GLIS3: variants seen among roughly 807,000 people sequenced by gnomAD.
The protein encoded by GLIS3 is zinc finger protein GLIS3.
A neutral mutation model predicts 78.6 loss-of-function variants in GLIS3; 53 were observed. The ratio of observed to expected loss-of-function variants is 0.67; its 90% CI spans 0.54 to 0.85. GLIS3 has a LOEUF of 0.85. Among genes scored for constraint, GLIS3 ranks in the 40% least tolerant of loss-of-function variants. GLIS3 has a pLI of 0.00. For missense variants in GLIS3, 1,703 were observed against 1,231.1 expected (o/e 1.38, Z -5.74); for synonymous variants, 684 against 509.9 (o/e 1.34, Z -4.60).
the GLIS3 span, among the ~76,000 whole-genome samples, chr9:4,431,615 C>A: frequency 6.6e-6 from 1 of 152,142 alleles, no homozygotes; most frequent in Non-Finnish European, 1.5e-5. Context: ...GAGACCAAGG[C>A]AGGTGGATCA....
At chr9:3,953,745 A>G (rs490695) in intron 4 of GLIS3, among the ~76,000 whole-genome samples, 2,085 of 123,700 alleles carry the variant, frequency 0.017, 60 homozygotes, top group African/African-American at 0.059. Context: ...AATATTGCCA[A>G]TGATAATTAG....
chr9:3,891,188 G>C (rs1277638720), intron 7 of GLIS3, among the ~76,000 whole-genome samples: 1 of 151,938 alleles, frequency 6.6e-6, no homozygotes, highest in Non-Finnish European at 1.5e-5. Context: ...TATTTTTATA[G>C]TATTTAGATA....
At chr9:4,456,150 G>A in the GLIS3 span, among the ~76,000 whole-genome samples, 2 of 152,058 alleles carry the variant, frequency 1.3e-5, no homozygotes, top group African/African-American at 4.8e-5. Flanking sequence ...GTAGTCTATT[G>A]TGCATGCGAT....
intron 4 of GLIS3, among the ~76,000 whole-genome samples, chr9:4,076,712 AT>A (rs1450937493): frequency 5.3e-5 from 8 of 152,206 alleles, no homozygotes; most frequent in South Asian, 4.1e-4. Flanking sequence ...ATGCCACTTC[AT>A]AGCCTGTCTT....
chr9:3,917,843 T>TCC (rs1158797011), intron 6 of GLIS3, among the ~76,000 whole-genome samples: 103 of 152,278 alleles, frequency 6.8e-4, no homozygotes, highest in Non-Finnish European at 2.5e-4. Flanking sequence ...CATTGACATA[T>TCC]AATGGGAGTG....
At chr9:4,343,825 A>G (rs2130589286) in intron 2 of GLIS3, among the ~76,000 whole-genome samples, 1 of 152,310 alleles carries the variant, frequency 6.6e-6, no homozygotes, top group East Asian at 1.9e-4. Flanking sequence ...CAGAAAACCA[A>G]ATACCACATG....
chr9:4,246,940 G>A (rs1432493521), intron 2 of GLIS3, among the ~76,000 whole-genome samples: 1 of 152,176 alleles, frequency 6.6e-6, no homozygotes, highest in African/African-American at 2.4e-5. Context: ...CAATAAAGAA[G>A]ATCAAGCCAG....
rs1435443802 is a variant in GLIS3 at position 3,915,165 on chromosome 9, G to A, written c.1984-16330C>T. On this transcript the variant is annotated intron_variant, in intron 6 of 10. Coordinates refer to ENST00000381971, the MANE Select transcript of GLIS3 (RefSeq NM_001042413.2). Reference sequence around the variant, plus strand: ...CTCTCCTAGAGCCTTCCTATAGCCTGTATAGACTCTGCCAAAGTCATCTTC... The same window carrying A: ...CTCTCCTAGAGCCTTCCTATAGCCTATATAGACTCTGCCAAAGTCATCTTC... Among the ~76,000 whole-genome samples, 3 of 152,144 alleles carry A rather than the reference G, an allele frequency of 2.0e-5. No homozygotes were observed. The East Asian group carries it at 5.8e-4, about 29-fold the overall frequency.
At chr9:3,996,599 A>C (rs1268606672) in intron 4 of GLIS3, among the ~76,000 whole-genome samples, 1 of 152,224 alleles carries the variant, frequency 6.6e-6, no homozygotes, top group Non-Finnish European at 1.5e-5. Flanking sequence ...TTATGGTAGC[A>C]AATAAAAAAT....
At chr9:4,248,428 T>C (rs1367094450) in intron 2 of GLIS3, among the ~76,000 whole-genome samples, 4 of 152,344 alleles carry the variant, frequency 2.6e-5, no homozygotes, top group Non-Finnish European at 4.4e-5. Flanking sequence ...TCAATTCTTT[T>C]TTATGGCTGC....
chr9:4,342,524 C>T (rs1476892373), intron 2 of GLIS3, among the ~76,000 whole-genome samples: 1 of 152,144 alleles, frequency 6.6e-6, no homozygotes, highest in African/African-American at 2.4e-5. Flanking sequence ...GTAACGTGAT[C>T]TCTCCAGTGC....
intron 4 of GLIS3, among the ~76,000 whole-genome samples, chr9:4,021,977 G>C (rs1419984191): frequency 6.6e-6 from 1 of 152,122 alleles, no homozygotes; most frequent in African/African-American, 2.4e-5. Flanking sequence ...ATAGCGGCTC[G>C]GTTAGTGTGT....
chr9:4,400,508 T>G, the GLIS3 span, among the ~76,000 whole-genome samples: 6 of 152,366 alleles, frequency 3.9e-5, no homozygotes, highest in Admixed American at 1.3e-4. Flanking sequence ...CCTCTGATTA[T>G]AGATTAGCCA....
At chr9:4,123,219 G>A (rs1278371643) in intron 3 of GLIS3, among the ~76,000 whole-genome samples, 1 of 152,056 alleles carries the variant, frequency 6.6e-6, no homozygotes, top group East Asian at 1.9e-4. Flanking sequence ...ACATTTTACA[G>A]ATCAAACTGG....
chr9:4,253,364 G>A (rs538733942), intron 2 of GLIS3, among the ~76,000 whole-genome samples: 2 of 152,210 alleles, frequency 1.3e-5, no homozygotes, highest in South Asian at 2.1e-4. Flanking sequence ...AGGTGCAGTG[G>A]GCTCTGCCCA....
chr9:4,057,556 G>C (rs968927053), intron 4 of GLIS3, among the ~76,000 whole-genome samples: 1 of 151,796 alleles, frequency 6.6e-6, no homozygotes, highest in African/African-American at 2.4e-5. Flanking sequence ...GTCTGTTTCA[G>C]AATCATTATT....
intron 2 of GLIS3, among the ~76,000 whole-genome samples, chr9:4,257,586 T>TTGTTGTTGTGGTTGTTG (rs376998444): frequency 6.7e-6 from 1 of 150,356 alleles, no homozygotes; most frequent in African/African-American, 2.5e-5. Flanking sequence ...GTTGTTGTTA[T>TTGTTGTTGTGGTTGTTG]TTTTTGAGAC....
At chr9:4,232,404 A>G (rs911813801) in intron 2 of GLIS3, among the ~76,000 whole-genome samples, 66 of 150,198 alleles carry the variant, frequency 4.4e-4, no homozygotes, top group Middle Eastern at 3.4e-3. Context: ...AAAAAAAAGA[A>G]AAGAAAAAAA....
chr9:4,320,022 T>TGC (rs1249768738), intron 2 of GLIS3, among the ~76,000 whole-genome samples: 32 of 50,200 alleles, frequency 6.4e-4, no homozygotes, highest in African/African-American at 1.4e-3. Flanking sequence ...TGTGTGTGTG[T>TGC]GTGCGCGCGC....
Sources: allele counts gnomAD v4.1 joint callset (sites outside exome capture counted in the v4.1 genomes callset), GRCh38; gene constraint gnomAD v4.1.1; transcripts MANE v1.5; gene names NCBI Gene and HGNC (gene_info 2026-07-23, HGNC 2026-07-21).